CDH13: variants seen among roughly 807,000 people sequenced by gnomAD.
CDH13 encodes the protein cadherin-13.
In CDH13, 24 loss-of-function variants were observed where a neutral mutation model predicts 63.8. The ratio of observed to expected loss-of-function variants is 0.38; its 90% CI spans 0.27 to 0.53. CDH13 has a LOEUF of 0.53. CDH13 is among the 20% of genes least tolerant of loss of function. The pLI is 0.85. For synonymous variants in CDH13, 503 were observed against 355.3 expected (o/e 1.42, Z -4.67); for missense variants, 1,049 against 903.1 (o/e 1.16, Z -2.07).
At chr16:83,020,633 C>G (rs567142426) in intron 2 of CDH13, among the ~76,000 whole-genome samples, 8 of 152,314 alleles carry the variant, frequency 5.3e-5, no homozygotes, top group Admixed American at 4.6e-4. Flanking sequence ...GTGTATGTAG[C>G]TTTCTTTTCT....
intron 7 of CDH13, among the ~76,000 whole-genome samples, chr16:83,554,483 G>A: frequency 6.6e-6 from 1 of 152,174 alleles, no homozygotes; most frequent in Non-Finnish European, 1.5e-5. Context: ...ACGAACTTCT[G>A]CAAAAGCTGT....
chr16:82,970,076 A>G (rs1908480618), intron 2 of CDH13, among the ~76,000 whole-genome samples: 1 of 151,904 alleles, frequency 6.6e-6, no homozygotes. Flanking sequence ...TCCTAATGCT[A>G]TCCCTCCCCT....
chr16:82,855,197 A>T (rs1271731523), intron 1 of CDH13, among the ~76,000 whole-genome samples: 1 of 151,980 alleles, frequency 6.6e-6, no homozygotes, highest in African/African-American at 2.4e-5. Context: ...AGGTTTATTT[A>T]TTTTTTTTAT....
intron 1 of CDH13, among the ~76,000 whole-genome samples, chr16:82,627,912 G>A (rs1015419024): frequency 2.0e-5 from 3 of 152,242 alleles, no homozygotes; most frequent in African/African-American, 7.2e-5. Context: ...GAGCGGGAGC[G>A]GAGCGCAGAG....
intron 2 of CDH13, among the ~76,000 whole-genome samples, chr16:82,931,549 T>C (rs2042494075): frequency 6.6e-6 from 1 of 150,798 alleles, no homozygotes; most frequent in African/African-American, 2.5e-5. Flanking sequence ...GGAATTAAGA[T>C]GGCCTTAGGT....
At chr16:83,388,327 C>T (rs116545481) in intron 6 of CDH13, among the ~76,000 whole-genome samples, 1,536 of 151,180 alleles carry the variant, frequency 0.01, 26 homozygotes, top group African/African-American at 0.036. Context: ...GGTGGTAATG[C>T]CTGTAGTCCC....
At chr16:82,673,005 T>C (rs28603180) in intron 1 of CDH13, among the ~76,000 whole-genome samples, 1 of 112,902 alleles carries the variant, frequency 8.9e-6, no homozygotes, top group Admixed American at 8.8e-5. Context: ...TTTTCTTTTT[T>C]TTTTTTTTTT....
intron 10 of CDH13, among the ~76,000 whole-genome samples, chr16:83,690,412 A>G (rs1178522410): frequency 6.6e-6 from 1 of 152,198 alleles, no homozygotes; most frequent in Non-Finnish European, 1.5e-5. Flanking sequence ...CCACACAGCT[A>G]TCCCGGGTGG....
rs56796135 is a variant in CDH13, at chr16:83,120,404, A to T, written c.367-4981A>T. Among the ~76,000 whole-genome samples the T allele has an allele frequency of 6.6e-3, 1,003 of 152,216 alleles. 17 individuals are homozygous for T. Among genetic ancestry groups the T allele is most frequent in the African/African-American group, 0.024 (977 of 41,526 alleles). ...CACCCATTTGTGGGTATGAAAACAC[A>T]AGAAAGCAATTCATGACACTCTATG... On this transcript the variant is annotated intron_variant, in intron 3 of 13. Coordinates refer to ENST00000567109, the MANE Select transcript of CDH13 (RefSeq NM_001257.5).
At chr16:82,931,341 A>G (rs1245866348) in intron 2 of CDH13, among the ~76,000 whole-genome samples, 1 of 152,230 alleles carries the variant, frequency 6.6e-6, no homozygotes, top group Non-Finnish European at 1.5e-5. Flanking sequence ...GCTAAATATG[A>G]ATAATTCTAT....
chr16:83,725,995 A>G (rs1910337532), intron 10 of CDH13: 1 of 152,230 alleles, frequency 6.6e-6, no homozygotes, highest in Admixed American at 6.5e-5. Context: ...TGAGCGATTT[A>G]TGTAGCATTC....
intron 13 of CDH13, 130 bp from the exon 14 acceptor site, chr16:83,794,893 T>C (rs566338471): frequency 1.4e-4 from 110 of 812,650 alleles, no homozygotes; most frequent in Middle Eastern, 4.4e-4. Flanking sequence ...AAAAAAAAAA[T>C]TCCCCCATAG....
At chr16:83,784,210 G>C (rs1351420977) in intron 13 of CDH13, among the ~76,000 whole-genome samples, 3 of 152,162 alleles carry the variant, frequency 2.0e-5, no homozygotes, top group Non-Finnish European at 2.9e-5. Flanking sequence ...TTGGGAAATT[G>C]ACAGAAAAAG....
chr16:82,829,918 T>C (rs2038450881), intron 1 of CDH13, among the ~76,000 whole-genome samples: 1 of 152,186 alleles, frequency 6.6e-6, no homozygotes, highest in Non-Finnish European at 1.5e-5. Context: ...CCATATCAGA[T>C]GGTACTTCCA....
intron 5 of CDH13, among the ~76,000 whole-genome samples, chr16:83,331,273 C>T (rs1029930659): frequency 5.5e-4 from 83 of 152,154 alleles, no homozygotes; most frequent in African/African-American, 1.9e-3. Flanking sequence ...GCGATGGCTC[C>T]AAAAATAAAG....
chr16:83,599,121 G>T (rs548380801), intron 7 of CDH13, among the ~76,000 whole-genome samples: 11 of 152,310 alleles, frequency 7.2e-5, no homozygotes, highest in Non-Finnish European at 1.3e-4. Flanking sequence ...TATAACATAG[G>T]TACCAGAAGA....
chr16:83,249,248 C>T (rs973561250), intron 5 of CDH13, among the ~76,000 whole-genome samples: 29 of 152,290 alleles, frequency 1.9e-4, no homozygotes, highest in Admixed American at 5.9e-4. Context: ...CAGTGGTTGG[C>T]ACGCTTGAGC....
At chr16:83,088,528 C>T (rs961840632) in intron 3 of CDH13, among the ~76,000 whole-genome samples, 5 of 152,158 alleles carry the variant, frequency 3.3e-5, no homozygotes, top group African/African-American at 4.8e-5. Context: ...GTCCAAAAGC[C>T]GTTTCTGATA....
intron 2 of CDH13, among the ~76,000 whole-genome samples, chr16:82,948,493 G>T (rs1297388882): frequency 6.6e-6 from 1 of 152,158 alleles, no homozygotes; most frequent in Non-Finnish European, 1.5e-5. Context: ...CCTTGAAGAA[G>T]AATTATTTTT....
Sources: allele counts gnomAD v4.1 joint callset (sites outside exome capture counted in the v4.1 genomes callset), GRCh38; gene constraint gnomAD v4.1.1; transcripts MANE v1.5; gene names NCBI Gene and HGNC (gene_info 2026-07-23, HGNC 2026-07-21).